AOPEP: variants seen among roughly 807,000 people sequenced by gnomAD.
AOPEP encodes the protein aminopeptidase O.
In AOPEP, 77 loss-of-function variants were observed where a neutral mutation model predicts 98.1. That is an observed-to-expected ratio of 0.78 (90% CI 0.65 to 0.95). The LOEUF is 0.95. Among genes scored for constraint, AOPEP ranks in the 40% least tolerant of loss-of-function variants. The probability of loss-of-function intolerance (pLI) is 0.00; values close to 1 mark genes in which losing one functional copy is unlikely to be tolerated. For synonymous variants in AOPEP, 346 were observed against 365.3 expected, an observed-to-expected ratio of 0.95 and a Z score of 0.60; for missense variants, 1,024 against 1,024.7, an observed-to-expected ratio of 1.00 and a Z score of 0.01.
At chr9:94,969,597 T>C (rs1045576786) in intron 10 of AOPEP, among the ~76,000 whole-genome samples, 2 of 151,954 alleles carry the variant, frequency 1.3e-5, no homozygotes, top group East Asian at 1.9e-4. Flanking sequence ...TTAGTAGAGA[T>C]GGGGTTTCAC....
chr9:94,916,694 C>CA (rs560271736), intron 5 of AOPEP, among the ~76,000 whole-genome samples: 3,508 of 99,782 alleles, frequency 0.035, 115 homozygotes, highest in African/African-American at 0.1. Flanking sequence ...GACTCCCTCT[C>CA]AAAAAAAAAA....
the AOPEP span, among the ~76,000 whole-genome samples, chr9:95,146,877 A>G: frequency 2.0e-5 from 3 of 152,072 alleles, no homozygotes; most frequent in Admixed American, 6.5e-5. Context: ...AAAAATTCTT[A>G]CATTTTTCTT....
intron 13 of AOPEP, among the ~76,000 whole-genome samples, chr9:95,049,495 T>C (rs2066149880): frequency 6.6e-6 from 1 of 152,258 alleles, no homozygotes; most frequent in Non-Finnish European, 1.5e-5. Context: ...TATGGTTTTC[T>C]ATAGACTATT....
chr9:95,034,735 A>C (rs2064630151), intron 13 of AOPEP, among the ~76,000 whole-genome samples: 1 of 152,208 alleles, frequency 6.6e-6, no homozygotes, highest in African/African-American at 2.4e-5. Context: ...AATTCTGATC[A>C]ACTGACAGTC....
intron 11 of AOPEP, among the ~76,000 whole-genome samples, chr9:94,991,255 A>C (rs1451159388): frequency 6.6e-6 from 1 of 152,186 alleles, no homozygotes; most frequent in Non-Finnish European, 1.5e-5. Flanking sequence ...CTTTTGTGGA[A>C]GCCATTATGT....
chr9:94,973,020 C>G (rs2138505459), intron 10 of AOPEP, among the ~76,000 whole-genome samples: 1 of 152,258 alleles, frequency 6.6e-6, no homozygotes, highest in Non-Finnish European at 1.5e-5. Context: ...AACATGTAAA[C>G]TAAATGTAAA....
At chr9:95,139,958 T>C in the AOPEP span, among the ~76,000 whole-genome samples, 1 of 151,546 alleles carries the variant, frequency 6.6e-6, no homozygotes, top group African/African-American at 2.4e-5. Flanking sequence ...TTCAATACGT[T>C]AGTGACAGAA....
the AOPEP span, among the ~76,000 whole-genome samples, chr9:95,103,139 G>A: frequency 1.3e-5 from 2 of 152,172 alleles, no homozygotes; most frequent in East Asian, 3.9e-4. Context: ...CCCTGAGCGG[G>A]AGGACTGTCC....
chr9:95,110,270 TTCTC>T, the AOPEP span: 1 of 1,010,718 alleles, frequency 9.9e-7, no homozygotes, highest in Non-Finnish European at 1.2e-6. Context: ...TCAAAAGTGA[TTCTC>T]TGTCAGTAAC....
chr9:94,951,628 A>G (rs1057347789), intron 7 of AOPEP, among the ~76,000 whole-genome samples: 6 of 152,240 alleles, frequency 3.9e-5, no homozygotes, highest in African/African-American at 1.4e-4. Context: ...TCTGGCTACA[A>G]TTATTGCAGC....
the AOPEP span, among the ~76,000 whole-genome samples, chr9:95,141,463 TAAAC>T: frequency 6.6e-6 from 1 of 152,196 alleles, no homozygotes; most frequent in Non-Finnish European, 1.5e-5. Flanking sequence ...TTTCTTTGTT[TAAAC>T]ACTCACCTAT....
At chr9:95,137,474 T>A in the AOPEP span, among the ~76,000 whole-genome samples, 1 of 151,982 alleles carries the variant, frequency 6.6e-6, no homozygotes, top group Middle Eastern at 3.2e-3. Flanking sequence ...GCAGGCCCCG[T>A]TCCTCATCTC....
At chr9:94,765,699 T>A (rs557576080) in intron 2 of AOPEP, among the ~76,000 whole-genome samples, 1 of 152,072 alleles carries the variant, frequency 6.6e-6, no homozygotes, top group East Asian at 1.9e-4. Flanking sequence ...TGTGGCAGGG[T>A]TCTCTGGAGA....
At chr9:94,746,932 C>CT (rs1298525356) in intron 1 of AOPEP, among the ~76,000 whole-genome samples, 4 of 151,916 alleles carry the variant, frequency 2.6e-5, no homozygotes, top group African/African-American at 9.7e-5. Flanking sequence ...CAGTGATTTG[C>CT]TTTTTTTGTT....
chr9:94,765,684 T>G (rs1350785722), intron 2 of AOPEP, among the ~76,000 whole-genome samples: 3 of 152,022 alleles, frequency 2.0e-5, no homozygotes, highest in African/African-American at 7.2e-5. Flanking sequence ...TTTCCCACTT[T>G]ACCATGTGGC....
chr9:95,135,455 C>T, the AOPEP span: 12 of 1,613,852 alleles, frequency 7.4e-6, no homozygotes, highest in African/African-American at 2.7e-5. Flanking sequence ...GGGAAGGTGC[C>T]GAAGCCAGAG....
intron 14 of AOPEP, among the ~76,000 whole-genome samples, chr9:95,076,937 A>G (rs1413803438): frequency 6.6e-6 from 1 of 152,190 alleles, no homozygotes. Context: ...CCAGTCTCCT[A>G]GGGAGCCAAG....
chr9:94,966,387 T>A (rs559840202), intron 9 of AOPEP, among the ~76,000 whole-genome samples: 1 of 152,346 alleles, frequency 6.6e-6, no homozygotes, highest in South Asian at 2.1e-4. Context: ...TGCAGTTAAA[T>A]GGGTGTCATC....
At chr9:94,890,182 T>A in intron 5 of AOPEP, among the ~76,000 whole-genome samples, 1 of 151,442 alleles carries the variant, frequency 6.6e-6, no homozygotes, top group Middle Eastern at 3.4e-3. Context: ...TGCGCACCAC[T>A]ATGCCTGGCT....
Sources: allele counts gnomAD v4.1 joint callset (sites outside exome capture counted in the v4.1 genomes callset), GRCh38; gene constraint gnomAD v4.1.1; transcripts MANE v1.5; gene names NCBI Gene and HGNC (gene_info 2026-07-23, HGNC 2026-07-21).